The following CDK19 variants were observed in gnomAD, a reference collection of about 807,000 sequenced individuals.
CDK19 encodes the protein cyclin dependent kinase 19, also known as cyclin-dependent kinase 19.
In CDK19, 20 loss-of-function variants were observed where a neutral mutation model predicts 68.3. The ratio of observed to expected loss-of-function variants is 0.29; its 90% CI spans 0.21 to 0.43. The LOEUF (loss-of-function observed/expected upper bound fraction) is 0.43, where lower values mean the gene tolerates loss of function less well. CDK19 is among the 20% of genes least tolerant of loss of function. The probability of loss-of-function intolerance (pLI) is 1.00; values close to 1 mark genes in which losing one functional copy is unlikely to be tolerated. For missense variants in CDK19, 339 were observed against 623.5 expected, an observed-to-expected ratio of 0.54 and a Z score of 4.86; for synonymous variants, 221 against 222.8, an observed-to-expected ratio of 0.99 and a Z score of 0.07.
chr6:110,661,575 G>T (rs1421710174), intron 4 of CDK19, among the ~76,000 whole-genome samples: 3 of 152,070 alleles, frequency 2.0e-5, no homozygotes, highest in African/African-American at 7.2e-5. Context: ...TCAGCCTTTG[G>T]AGTAGCTGGG....
intron 2 of CDK19, among the ~76,000 whole-genome samples, chr6:110,683,795 G>A (rs755357346): frequency 1.1e-4 from 16 of 147,894 alleles, no homozygotes; most frequent in East Asian, 6.0e-4. Context: ...TCCACTTCCC[G>A]GGTTGAAGTG....
At chr6:110,741,312 A>G (rs74772140) in intron 2 of CDK19, among the ~76,000 whole-genome samples, 1 of 150,944 alleles carries the variant, frequency 6.6e-6, no homozygotes, top group Non-Finnish European at 1.5e-5. Context: ...AAAAAAAAAA[A>G]TTAGCTGAGC....
At chr6:110,678,060 C>T (rs1771682284) in intron 2 of CDK19, among the ~76,000 whole-genome samples, 1 of 152,028 alleles carries the variant, frequency 6.6e-6, no homozygotes, top group Non-Finnish European at 1.5e-5. Flanking sequence ...GTTGTCCAGG[C>T]TAGTCTTGAG....
At chr6:110,803,527 T>C (rs545620261) in intron 1 of CDK19, among the ~76,000 whole-genome samples, 2 of 152,340 alleles carry the variant, frequency 1.3e-5, no homozygotes, top group African/African-American at 2.4e-5. Context: ...AATCAGTTAA[T>C]AGAATTCTGG....
intron 1 of CDK19, among the ~76,000 whole-genome samples, chr6:110,759,423 AAAAAAATAT>A (rs896927141): frequency 8.4e-6 from 1 of 119,060 alleles, no homozygotes; most frequent in African/African-American, 3.6e-5. Flanking sequence ...AAAAAAAAAA[AAAAAAATAT>A]ATATATATAT....
rs1407420459 is a variant in CDK19 at position 110,611,604 on chromosome 6, G to T, written c.*2931C>A. 1 of 152,244 alleles carries T rather than the reference G, an allele frequency of 6.6e-6. No individual in the cohort carries two copies. Among genetic ancestry groups the T allele is most frequent in the Non-Finnish European group, 1.5e-5 (1 of 68,114 alleles). 9.4% of individuals were successfully genotyped at this position (152,244 alleles called of 1,614,324 possible). On this transcript the variant is annotated 3_prime_UTR_variant, in exon 13 of 13. Coordinates refer to ENST00000368911, the MANE Select transcript of CDK19 (RefSeq NM_015076.5). ...AATTCAAGACCAGCCTGACCAATAG[G>T]GTGAAACCCCATCTCTACTAAAAAT...
chr6:110,788,092 G>C (rs182590736), intron 1 of CDK19, among the ~76,000 whole-genome samples: 7 of 151,812 alleles, frequency 4.6e-5, no homozygotes, highest in Non-Finnish European at 8.8e-5. Flanking sequence ...TGCCCACCTC[G>C]GCCTCCCAAA....
intron 2 of CDK19, among the ~76,000 whole-genome samples, chr6:110,744,036 CAG>C: frequency 1.1e-5 from 1 of 94,102 alleles, no homozygotes; most frequent in East Asian, 4.0e-4. Flanking sequence ...TTTTTTGAGA[CAG>C]AGTCTCGCTC....
At chr6:110,724,731 A>G (rs149171286) in intron 2 of CDK19, among the ~76,000 whole-genome samples, 1 of 152,348 alleles carries the variant, frequency 6.6e-6, no homozygotes, top group Admixed American at 6.5e-5. Context: ...ATCTTCAACT[A>G]TTACATAAAA....
chr6:110,806,208 C>T (rs139943067), intron 1 of CDK19, among the ~76,000 whole-genome samples: 4,035 of 151,248 alleles, frequency 0.027, 81 homozygotes, highest in South Asian at 0.084. Context: ...GGCATGGTGG[C>T]GCATTCCTGT....
chr6:110,634,419 T>C (rs946640456), intron 5 of CDK19, among the ~76,000 whole-genome samples: 4 of 152,200 alleles, frequency 2.6e-5, no homozygotes, highest in African/African-American at 9.7e-5. Context: ...GGTTTCACCA[T>C]GTTGGCCAGG....
chr6:110,680,278 C>T (rs973858573), intron 2 of CDK19, among the ~76,000 whole-genome samples: 2 of 152,074 alleles, frequency 1.3e-5, no homozygotes, highest in African/African-American at 2.4e-5. Flanking sequence ...GTGTATAATT[C>T]GAAGAGCAAA....
At chr6:110,672,695 T>A (rs1197385428) in intron 2 of CDK19, among the ~76,000 whole-genome samples, 4 of 152,316 alleles carry the variant, frequency 2.6e-5, no homozygotes, top group East Asian at 3.9e-4. Context: ...TAGCATAATA[T>A]ACACACTGTT....
chr6:110,779,435 A>C (rs1243357133), intron 1 of CDK19, among the ~76,000 whole-genome samples: 1 of 152,154 alleles, frequency 6.6e-6, no homozygotes, highest in Non-Finnish European at 1.5e-5. Flanking sequence ...ATGAAACTAT[A>C]ATGTAATGTG....
intron 2 of CDK19, among the ~76,000 whole-genome samples, chr6:110,718,764 A>G (rs1775599804): frequency 6.6e-6 from 1 of 152,336 alleles, no homozygotes; most frequent in East Asian, 1.9e-4. Context: ...ATAGTTGCTG[A>G]AAGAATCACT....
At chr6:110,705,330 G>A (rs1198061478) in intron 2 of CDK19, among the ~76,000 whole-genome samples, 2 of 152,138 alleles carry the variant, frequency 1.3e-5, no homozygotes, top group Non-Finnish European at 2.9e-5. Flanking sequence ...GTGAGCCACT[G>A]CGCCTGGCCA....
At chr6:110,666,952 C>T (rs76798727) in intron 4 of CDK19, among the ~76,000 whole-genome samples, 4,271 of 151,998 alleles carry the variant, frequency 0.028, 83 homozygotes, top group South Asian at 0.082. Context: ...GCTAATTTGC[C>T]TAATAAGTAT....
chr6:110,760,578 A>C (rs1341376867), intron 1 of CDK19, among the ~76,000 whole-genome samples: 4 of 151,888 alleles, frequency 2.6e-5, no homozygotes, highest in African/African-American at 9.7e-5. Flanking sequence ...AAAATACAAA[A>C]ATGAGTTGGA....
intron 3 of CDK19, among the ~76,000 whole-genome samples, chr6:110,669,844 C>T (rs905117160): frequency 3.3e-5 from 5 of 152,100 alleles, no homozygotes; most frequent in African/African-American, 7.2e-5. Flanking sequence ...TAGTAAACTG[C>T]CATTAATTAC....
Sources: allele counts gnomAD v4.1 joint callset (sites outside exome capture counted in the v4.1 genomes callset), GRCh38; gene constraint gnomAD v4.1.1; transcripts MANE v1.5; gene names NCBI Gene and HGNC (gene_info 2026-07-23, HGNC 2026-07-21).